Variants in FANK1 observed in about 807,000 individuals in gnomAD.
The protein encoded by FANK1 is fibronectin type 3 and ankyrin repeat domains protein 1.
FANK1 carries 44 observed loss-of-function variants against 45.3 expected under a neutral mutation model. The observed-to-expected ratio is 0.97, with a 90% CI of 0.76 to 1.25. The LOEUF is 1.25. Among genes scored for constraint, FANK1 ranks in the 50% most tolerant of loss-of-function variants. The pLI is 0.00. For synonymous variants in FANK1, 149 were observed against 152.5 expected (o/e 0.98, Z 0.17); for missense variants, 391 against 424.4 (o/e 0.92, Z 0.69).
At chr10:125,944,969 G>T (rs1316467605) in intron 1 of FANK1, among the ~76,000 whole-genome samples, 2 of 152,150 alleles carry the variant, frequency 1.3e-5, no homozygotes, top group Non-Finnish European at 2.9e-5. Flanking sequence ...AGTGCTGCTA[G>T]GTTAGGGTCT....
At chr10:125,971,424 C>A (rs1950506466) in intron 1 of FANK1, among the ~76,000 whole-genome samples, 1 of 151,704 alleles carries the variant, frequency 6.6e-6, no homozygotes, top group African/African-American at 2.4e-5. Flanking sequence ...AATAAGTTGC[C>A]TTCTCTTCTG....
intron 1 of FANK1, among the ~76,000 whole-genome samples, chr10:125,903,282 T>A (rs530070496): frequency 2.8e-4 from 43 of 152,384 alleles, no homozygotes; most frequent in African/African-American, 1.0e-3. Flanking sequence ...ACTCATTACA[T>A]GCAGACAGTG....
chr10:125,984,387 C>G (rs540020261), intron 2 of FANK1, among the ~76,000 whole-genome samples: 1 of 152,144 alleles, frequency 6.6e-6, no homozygotes, highest in Non-Finnish European at 1.5e-5. Flanking sequence ...CAGCCATGTC[C>G]GAGTTCAACA....
At chr10:125,991,468 T>G (rs1951940533) in intron 3 of FANK1, among the ~76,000 whole-genome samples, 1 of 152,112 alleles carries the variant, frequency 6.6e-6, no homozygotes. Flanking sequence ...TGTTATATAT[T>G]TATAATATCC....
chr10:125,949,754 G>GA (rs1564903913), intron 1 of FANK1, among the ~76,000 whole-genome samples: 1 of 149,756 alleles, frequency 6.7e-6, no homozygotes, highest in Non-Finnish European at 1.5e-5. Context: ...CACAGAATTG[G>GA]AAAAAAACTA....
chr10:125,914,516 G>A (rs111382632), intron 1 of FANK1, among the ~76,000 whole-genome samples: 2,724 of 152,136 alleles, frequency 0.018, 80 homozygotes, highest in African/African-American at 0.062. Flanking sequence ...AGTGATTAGT[G>A]AAAAGGAAGA....
At chr10:125,948,590 A>G (rs1948976627) in intron 1 of FANK1, among the ~76,000 whole-genome samples, 2 of 152,352 alleles carry the variant, frequency 1.3e-5, no homozygotes, top group South Asian at 2.1e-4. Context: ...GAATAGACCA[A>G]TAACAGGATC....
At chr10:125,994,722 C>T in intron 3 of FANK1, 1 of 985,374 alleles carries the variant, frequency 1.0e-6, no homozygotes, top group Non-Finnish European at 1.2e-6. Context: ...CCTTTATTCT[C>T]CCTCTGCTTG....
chr10:125,934,187 CAT>C (rs1341115755), intron 1 of FANK1, among the ~76,000 whole-genome samples: 1 of 152,070 alleles, frequency 6.6e-6, no homozygotes, highest in African/African-American at 2.4e-5. Flanking sequence ...GGAAGAAAAA[CAT>C]ATTAAAATTG....
chr10:125,956,880 G>A (rs552680179), intron 1 of FANK1, among the ~76,000 whole-genome samples: 79 of 152,244 alleles, frequency 5.2e-4, no homozygotes, highest in African/African-American at 1.8e-3. Flanking sequence ...TGACAATCTC[G>A]CTCTGTTGTC....
chr10:126,006,985 C>A (rs1156335162), intron 7 of FANK1: 1 of 152,206 alleles, frequency 6.6e-6, no homozygotes, highest in Admixed American at 6.5e-5. Flanking sequence ...TTCCATCTTT[C>A]TTTGAAGCAC....
At chr10:125,994,707 A>G (rs1952188318) in intron 3 of FANK1, 29 of 985,432 alleles carry the variant, frequency 2.9e-5, no homozygotes, top group East Asian at 1.1e-4. Flanking sequence ...TGGCTTCTAC[A>G]TAGCCCTTTA....
At chr10:125,989,953 C>A (rs1773254037) in intron 3 of FANK1, among the ~76,000 whole-genome samples, 1 of 152,274 alleles carries the variant, frequency 6.6e-6, no homozygotes, top group East Asian at 1.9e-4. Flanking sequence ...CTCTTGCTGT[C>A]CCCACCGCCC....
chr10:125,952,199 T>A (rs1335288467), intron 1 of FANK1, among the ~76,000 whole-genome samples: 2 of 148,928 alleles, frequency 1.3e-5, no homozygotes, highest in Admixed American at 1.3e-4. Flanking sequence ...TGATTTGCTT[T>A]AAAAAAAAAA....
At chr10:125,979,550 G>A (rs144197358) in intron 1 of FANK1, among the ~76,000 whole-genome samples, 11 of 152,254 alleles carry the variant, frequency 7.2e-5, no homozygotes, top group Non-Finnish European at 1.2e-4. Context: ...TTCTTTTTCA[G>A]TTTCTGACTG....
chr10:125,927,935 G>A (rs1947479248), intron 1 of FANK1, among the ~76,000 whole-genome samples: 2 of 152,102 alleles, frequency 1.3e-5, no homozygotes, highest in African/African-American at 2.4e-5. Context: ...TAGAGTGTAC[G>A]TACAGTTTTA....
chr10:125,956,813 A>G (rs1458996508), intron 1 of FANK1, among the ~76,000 whole-genome samples: 1 of 152,302 alleles, frequency 6.6e-6, no homozygotes, highest in East Asian at 1.9e-4. Context: ...CGTAAAACTC[A>G]TTATAGATTT....
intron 1 of FANK1, among the ~76,000 whole-genome samples, chr10:125,959,790 C>T (rs1190035412): frequency 6.6e-6 from 1 of 152,132 alleles, no homozygotes; most frequent in African/African-American, 2.4e-5. Flanking sequence ...AACAAATATT[C>T]AATTTTTTAA....
At chr10:125,945,955 C>A (rs1366352145) in intron 1 of FANK1, among the ~76,000 whole-genome samples, 3 of 152,132 alleles carry the variant, frequency 2.0e-5, no homozygotes, top group Non-Finnish European at 2.9e-5. Context: ...TGACCCCTGA[C>A]CCCCGAGCAG....
Sources: gnomAD v4.1 joint callset for allele counts (sites outside exome capture counted in the v4.1 genomes callset) on GRCh38, gnomAD v4.1.1 for gene constraint, MANE v1.5 for transcripts, NCBI Gene and HGNC (gene_info 2026-07-23, HGNC 2026-07-21) for gene names.